The following DOCK5 variants were observed in gnomAD, a reference collection of about 807,000 sequenced individuals.
DOCK5 encodes dedicator of cytokinesis protein 5.
In DOCK5, 142 loss-of-function variants were observed where a neutral mutation model predicts 251.8. The ratio of observed to expected loss-of-function variants is 0.56; its 90% CI spans 0.49 to 0.65. DOCK5 has a LOEUF of 0.65. DOCK5 is among the 30% of genes least tolerant of loss of function. The pLI is 0.00. For synonymous variants in DOCK5, 842 were observed against 835.5 expected (o/e 1.01, Z -0.13); for missense variants, 2,111 against 2,312.3 (o/e 0.91, Z 1.79).
intron 1 of DOCK5, among the ~76,000 whole-genome samples, chr8:25,200,612 A>G (rs1227220681): frequency 6.6e-6 from 1 of 152,208 alleles, no homozygotes; most frequent in East Asian, 1.9e-4. Context: ...TATGAAAGAT[A>G]AAACAGTGGA....
intron 2 of DOCK5, among the ~76,000 whole-genome samples, chr8:25,254,772 T>TAAA (rs1803367347): frequency 9.6e-5 from 1 of 10,458 alleles, no homozygotes; most frequent in African/African-American, 4.2e-4. Context: ...AGACTTTGTC[T>TAAA]CAAAAAAAAA....
chr8:25,227,600 G>A (rs1421376539), intron 1 of DOCK5, among the ~76,000 whole-genome samples: 4 of 151,966 alleles, frequency 2.6e-5, no homozygotes, highest in African/African-American at 9.7e-5. Flanking sequence ...TTCTCAAAAT[G>A]TTGTGAACTC....
chr8:25,224,890 C>T (rs1802490312), intron 1 of DOCK5, among the ~76,000 whole-genome samples: 1 of 152,134 alleles, frequency 6.6e-6, no homozygotes, highest in Non-Finnish European at 1.5e-5. Context: ...ACAGCTTAAC[C>T]ATCAAAAAAC....
chr8:25,240,441 G>A (rs1481574144), intron 1 of DOCK5, among the ~76,000 whole-genome samples: 4 of 152,018 alleles, frequency 2.6e-5, no homozygotes. Flanking sequence ...AGCTCCTTAG[G>A]GCCTTTTGTG....
At chr8:25,197,569 C>A (rs60973176) in intron 1 of DOCK5, among the ~76,000 whole-genome samples, 1 of 54,630 alleles carries the variant, frequency 1.8e-5, no homozygotes. Context: ...AGGATCGTGT[C>A]TTTGTCTTTT....
Position 25,342,577 on chromosome 8 carries a change from G to A in DOCK5, c.2617+70G>A. The A allele has an allele frequency of 2.5e-6, 3 of 1,214,944 alleles. No homozygotes were observed. The East Asian group carries it at 8.1e-5, about 33-fold the overall frequency. The allele number at this position is 1,214,944 out of a possible 1,614,324, so 75.3% of individuals were successfully genotyped here. ...AGATTGCACCATTGCACTCCAGCCT[G>A]GGTGACAGAACAAGACTCCATCTCA... is the stretch of plus-strand genomic sequence containing the variant. On this transcript the variant is annotated intron_variant, in intron 25 of 51. Coordinates refer to ENST00000276440, the MANE Select transcript of DOCK5 (RefSeq NM_024940.8).
intron 2 of DOCK5, among the ~76,000 whole-genome samples, chr8:25,244,532 G>A: frequency 6.6e-6 from 1 of 152,252 alleles, no homozygotes; most frequent in East Asian, 1.9e-4. Context: ...CTCTCAGAAG[G>A]TTAGGGTACA....
At chr8:25,311,543 CAAAAAAAA>C (rs775794833) in intron 13 of DOCK5, among the ~76,000 whole-genome samples, 1 of 98,436 alleles carries the variant, frequency 1.0e-5, no homozygotes, top group Non-Finnish European at 2.2e-5. Context: ...AACTCTGTCT[CAAAAAAAA>C]AAAAAAGAAA....
At position 25,379,319 on chromosome 8, in the gene DOCK5, C is replaced by A. The variant is rs556473701; in HGVS notation, c.3937-986C>A. 2.1e-5 allele frequency among the ~76,000 whole-genome samples: 3 copies of A among 144,566 alleles called. No homozygotes were observed. The South Asian group carries it at 6.9e-4, about 33-fold the overall frequency. 94.8% of individuals were successfully genotyped at this position (144,566 alleles called of 152,430 possible). ...CAGAGTGGCCATTTATAGACCTCCC[C>A]CCAAGGAATGCATTCCTTTCCCAGG... On this transcript the variant is annotated intron_variant, in intron 38 of 51. Coordinates refer to ENST00000276440, the MANE Select transcript of DOCK5 (RefSeq NM_024940.8).
intron 4 of DOCK5, among the ~76,000 whole-genome samples, 155 bp downstream of exon 4, chr8:25,275,596 A>T (rs144040509): frequency 1.5e-3 from 230 of 152,296 alleles, no homozygotes; most frequent in African/African-American, 5.3e-3. Context: ...GCACTTTGGG[A>T]GACCGAGGTG....
chr8:25,355,354 C>A (rs945396626), intron 27 of DOCK5, among the ~76,000 whole-genome samples: 1 of 152,102 alleles, frequency 6.6e-6, no homozygotes, highest in Non-Finnish European at 1.5e-5. Context: ...AAATAATTGT[C>A]ATTATTTTTA....
intron 35 of DOCK5, 108 bp downstream of exon 35, chr8:25,372,826 CT>C: frequency 1.8e-6 from 2 of 1,107,054 alleles, no homozygotes; most frequent in Non-Finnish European, 2.5e-6. Flanking sequence ...CCTGAGGCAC[CT>C]TTGTGGAGCC....
intron 17 of DOCK5, 46 bp downstream of exon 17, chr8:25,323,997 G>C: frequency 6.6e-7 from 1 of 1,510,608 alleles, no homozygotes; most frequent in South Asian, 1.3e-5. Flanking sequence ...CCTTTCAAAT[G>C]AGCATTTAAG....
chr8:25,376,371 A>G (rs914928518), intron 37 of DOCK5: 6 of 985,048 alleles, frequency 6.1e-6, no homozygotes, highest in Non-Finnish European at 7.2e-6. Flanking sequence ...ATAAGATCCC[A>G]TCTTTATTAC....
In DOCK5 at chr8:25,243,693, T is replaced by C; in HGVS notation, c.63T>C (p.Ala21=). ...KYGVAIYNYN[A]SQDVELSLQI... is the part of the protein sequence containing the mutation. Reference sequence around the variant, plus strand: ...TTCCAGCGATCTATAACTACAATGCTTCTCAAGATGTGGAGCTCTCCTTGC... The same window carrying C: ...TTCCAGCGATCTATAACTACAATGCCTCTCAAGATGTGGAGCTCTCCTTGC... The change falls in exon 2 of 52, where the codon GCT becomes GCC. Residue 21 remains alanine, a synonymous_variant. Transcript: ENST00000276440. 1 of 1,613,634 alleles carries C rather than the reference T, an allele frequency of 6.2e-7. No homozygotes were observed. The highest frequency in any genetic ancestry group is 8.5e-7 in the Non-Finnish European group (1 of 1,179,668).
chr8:25,268,693 A>G (rs1464417704), intron 2 of DOCK5, among the ~76,000 whole-genome samples, 152 bp from the exon 3 acceptor site: 1 of 152,204 alleles, frequency 6.6e-6, no homozygotes, highest in Non-Finnish European at 1.5e-5. Flanking sequence ...TGTGTAATAA[A>G]CTAAAACATT....
At chr8:25,293,224 T>C (rs776160640) in intron 6 of DOCK5, among the ~76,000 whole-genome samples, 59 of 152,194 alleles carry the variant, frequency 3.9e-4, no homozygotes, top group Non-Finnish European at 7.1e-4. Context: ...TATGTGATTT[T>C]TTTCCTCCTC....
intron 2 of DOCK5, 46 bp downstream of exon 2, chr8:25,243,803 G>A (rs1309116093): frequency 1.9e-6 from 3 of 1,574,566 alleles, no homozygotes; most frequent in South Asian, 1.1e-5. Context: ...GGGAAAAACA[G>A]TGTAAGTTAC....
chr8:25,242,636 A>G lies in DOCK5; in HGVS notation c.44-1038A>G, dbSNP rs527576495. On this transcript the variant is annotated intron_variant, in intron 1 of 51. Coordinates refer to ENST00000276440, the MANE Select transcript of DOCK5 (RefSeq NM_024940.8). The stretch of plus-strand genomic sequence containing the variant: ...ATAATTTTTGGCAAAATATCTATTC[A>G]AAGCTCTGGCTTGTCTTAAAATTGG... Among the ~76,000 whole-genome samples, 3 of 152,330 alleles carry G rather than the reference A, an allele frequency of 2.0e-5. No homozygotes were observed. The South Asian group carries it at 6.2e-4, about 32-fold the overall frequency.
Sources: gnomAD v4.1 joint callset for allele counts (sites outside exome capture counted in the v4.1 genomes callset) on GRCh38, gnomAD v4.1.1 for gene constraint, MANE v1.5 for transcripts, NCBI Gene and HGNC (gene_info 2026-07-23, HGNC 2026-07-21) for gene names.